SPON1: variants seen among roughly 807,000 people sequenced by gnomAD.
SPON1 encodes spondin 1, also known as spondin-1.
A neutral mutation model predicts 111.7 loss-of-function variants in SPON1; 52 were observed. The ratio of observed to expected loss-of-function variants is 0.47; its 90% confidence interval spans 0.37 to 0.59. SPON1 has a LOEUF of 0.59. SPON1 is among the 20% of genes least tolerant of loss of function. SPON1 has a pLI of 0.00. For synonymous variants in SPON1, 410 were observed against 395.8 expected, an observed-to-expected ratio of 1.04 and a Z score of -0.43; for missense variants, 957 against 1,068.5, an observed-to-expected ratio of 0.90 and a Z score of 1.46.
chr11:14,255,165 A>G (rs1849091903), intron 8 of SPON1, among the ~76,000 whole-genome samples: 3 of 152,200 alleles, frequency 2.0e-5, no homozygotes, highest in Admixed American at 2.0e-4. Context: ...CTGCCCTACA[A>G]TGTGATTTGT....
chr11:14,121,571 A>G (rs1847389738), intron 5 of SPON1, among the ~76,000 whole-genome samples: 1 of 152,206 alleles, frequency 6.6e-6, no homozygotes, highest in African/African-American at 2.4e-5. Context: ...CAAAGCATTG[A>G]TGGAAGATTT....
Position 14,259,402 on chromosome 11 carries a change from A to G in SPON1, c.1615A>G (p.Thr539Ala), listed in dbSNP as rs573223777. The G allele has an allele frequency of 8.1e-6, 13 of 1,611,294 alleles. No homozygotes were observed. Among genetic ancestry groups the G allele is most frequent in the African/African-American group, 1.3e-5 (1 of 74,866 alleles). The change falls in exon 12 of 16, where the codon ACG (threonine) becomes GCG (alanine). Residue 539 changes from threonine (T) to alanine (A), a missense_variant. Thr to Ala is a moderately conservative substitution (Grantham distance 58). Around this residue, in one of 5 missense-constraint regions of SPON1, gnomAD observed 549 missense variants for 606.2 expected, o/e 0.91. Coordinates refer to ENST00000576479, the MANE Select transcript of SPON1 (RefSeq NM_006108.4). This position sits in a 1 kb window ranked among gnomAD's most constrained non-coding sequence, Gnocchi z 5.0. ...GTTCCCGGAGGACGGCTCCGTGTGC[A>G]CGCTGCCCACTGAGGAAACGGAGAA... is the stretch of plus-strand genomic sequence containing the variant. ...KQFPEDGSVC[T>A]LPTEETEKCT...
intron 6 of SPON1, among the ~76,000 whole-genome samples, chr11:14,176,714 C>G (rs1167919561): frequency 6.6e-6 from 1 of 152,132 alleles, no homozygotes; most frequent in African/African-American, 2.4e-5. Flanking sequence ...GTCGGCAGTG[C>G]CCCACCAGTA....
rs933679259 is a variant in SPON1 at position 14,262,906 on chromosome 11, T to C, written c.2191T>C (p.Trp731Arg). The C allele has an allele frequency of 2.2e-5, 36 of 1,613,764 alleles. No individual in the cohort carries two copies. The highest frequency in any genetic ancestry group is 3.1e-5 in the Non-Finnish European group (36 of 1,179,858). Residue 731 changes from tryptophan to arginine, a missense_variant, in exon 15 of 16, where the codon TGG becomes CGG. Coordinates refer to ENST00000576479, the MANE Select transcript of SPON1 (RefSeq NM_006108.4). ...AAATCCATCCATCCAAAAGCTACGCTGGAGGGAGGCCCGAGAGAGCCGGCG... is the reference window on the plus strand; with the variant it reads ...AAATCCATCCATCCAAAAGCTACGCCGGAGGGAGGCCCGAGAGAGCCGGCG... ...LRNPSIQKLR[W>R]REARESRRSE...
chr11:14,061,334 C>A (rs1848789633), intron 3 of SPON1, among the ~76,000 whole-genome samples: 1 of 152,210 alleles, frequency 6.6e-6, no homozygotes, highest in African/African-American at 2.4e-5. Context: ...TGAATGTACA[C>A]AACTATCATC....
At chr11:14,063,647 C>T (rs1214741109) in intron 3 of SPON1, among the ~76,000 whole-genome samples, 2 of 152,200 alleles carry the variant, frequency 1.3e-5, no homozygotes, top group African/African-American at 4.8e-5. Context: ...AAGAGGGGCA[C>T]AGACATTGAA....
intron 1 of SPON1, among the ~76,000 whole-genome samples, chr11:13,964,613 C>T (rs1848001572): frequency 6.6e-6 from 1 of 152,204 alleles, no homozygotes; most frequent in Admixed American, 6.5e-5. Context: ...ACAGTCTGAC[C>T]CCGGCGCGCA....
intron 1 of SPON1, among the ~76,000 whole-genome samples, chr11:13,964,816 T>A (rs187600833): frequency 6.6e-6 from 1 of 152,252 alleles, no homozygotes; most frequent in Non-Finnish European, 1.5e-5. Flanking sequence ...ATGACTTCAG[T>A]GGCCTATTCG....
intron 3 of SPON1, among the ~76,000 whole-genome samples, chr11:14,044,564 A>T (rs782036734): frequency 3.3e-5 from 5 of 152,230 alleles, no homozygotes; most frequent in Non-Finnish European, 7.3e-5. Flanking sequence ...GTGAGCCGAG[A>T]CTGTGCCACC....
intron 5 of SPON1, among the ~76,000 whole-genome samples, chr11:14,112,850 A>G (rs1269117823): frequency 1.3e-5 from 2 of 152,166 alleles, no homozygotes; most frequent in Non-Finnish European, 2.9e-5. Flanking sequence ...TCCAAGCACT[A>G]GAATTCTGCC....
chr11:14,132,147 G>A (rs547148766), intron 5 of SPON1, among the ~76,000 whole-genome samples: 32 of 152,016 alleles, frequency 2.1e-4, no homozygotes, highest in Non-Finnish European at 4.0e-4. Context: ...GCGTGGTGGC[G>A]GACGCCTGTA....
intron 2 of SPON1, among the ~76,000 whole-genome samples, chr11:13,988,633 A>C (rs1424647142): frequency 6.6e-6 from 1 of 152,202 alleles, no homozygotes; most frequent in African/African-American, 2.4e-5. Context: ...GCCGGTTTTC[A>C]AAGGGAATGC....
At chr11:14,060,946 T>TAAA (rs5789819) in intron 3 of SPON1, among the ~76,000 whole-genome samples, 2,373 of 150,814 alleles carry the variant, frequency 0.016, 28 homozygotes, top group Middle Eastern at 0.024. Context: ...TCTAGTTTGG[T>TAAA]AAAAAAAAAG....
chr11:14,178,043 CAA>C (rs1332112197), intron 6 of SPON1, among the ~76,000 whole-genome samples: 12 of 145,618 alleles, frequency 8.2e-5, no homozygotes, highest in Non-Finnish European at 1.3e-4. Context: ...AACACACACA[CAA>C]ACACACACAC....
chr11:14,115,088 C>T (rs1237681378), intron 5 of SPON1, among the ~76,000 whole-genome samples: 1 of 152,136 alleles, frequency 6.6e-6, no homozygotes, highest in East Asian at 1.9e-4. Flanking sequence ...ACCTTTGCCT[C>T]TTACAGGCTC....
In SPON1 at chr11:14,080,040, C is replaced by A; in HGVS notation, c.676+19C>A. On this transcript the variant is annotated intron_variant, in intron 5 of 15. Coordinates refer to ENST00000576479, the MANE Select transcript of SPON1 (RefSeq NM_006108.4). Reference sequence around the variant, plus strand: ...TACCCTCGTGAGTAGAGTGGCTACTCTGTGGTTTGGGGAAAAGCACATTGT... The same window carrying A: ...TACCCTCGTGAGTAGAGTGGCTACTATGTGGTTTGGGGAAAAGCACATTGT... 6.2e-7 allele frequency: 1 copy of A among 1,613,686 alleles called. No individual in the cohort carries two copies. The highest frequency in any genetic ancestry group is 8.5e-7 in the Non-Finnish European group (1 of 1,179,776).
At chr11:14,024,045 A>G (rs1254250721) in intron 2 of SPON1, among the ~76,000 whole-genome samples, 2 of 151,296 alleles carry the variant, frequency 1.3e-5, no homozygotes, top group East Asian at 1.9e-4. Context: ...TGGGGACCTT[A>G]TCTCCCTCAC....
intron 1 of SPON1, among the ~76,000 whole-genome samples, chr11:13,972,671 C>A (rs1591336589): frequency 6.6e-6 from 1 of 152,200 alleles, no homozygotes; most frequent in Non-Finnish European, 1.5e-5. Flanking sequence ...ATGACATTTA[C>A]ATACCAACTG....
intron 7 of SPON1, among the ~76,000 whole-genome samples, chr11:14,247,492 C>G (rs1849005374): frequency 6.6e-6 from 1 of 152,118 alleles, no homozygotes. Flanking sequence ...GCACTCGGCC[C>G]CTGTGTGAAA....
Sources: allele counts gnomAD v4.1 joint callset (sites outside exome capture counted in the v4.1 genomes callset), GRCh38; gene constraint gnomAD v4.1.1; regional missense constraint gnomAD v4.1.1; non-coding constraint Gnocchi (gnomAD v3.1); transcripts MANE v1.5; gene names NCBI Gene and HGNC (gene_info 2026-07-23, HGNC 2026-07-21).